The following ADAMTS17 variants were observed in gnomAD, a reference collection of about 807,000 sequenced individuals.
ADAMTS17 encodes A disintegrin and metalloproteinase with thrombospondin motifs 17.
Under a neutral mutation model 141.5 loss-of-function variants are expected in ADAMTS17, and 113 were observed. The ratio of observed to expected loss-of-function variants is 0.80; its 90% confidence interval spans 0.69 to 0.93. ADAMTS17 has a LOEUF of 0.93. Ranked by LOEUF, ADAMTS17 falls within the 40% of genes least tolerant of loss-of-function variation. The pLI is 0.00. For missense variants in ADAMTS17, 1,659 were observed against 1,517.9 expected, an observed-to-expected ratio of 1.09 and a Z score of -1.54; for synonymous variants, 768 against 630.6, an observed-to-expected ratio of 1.22 and a Z score of -3.27.
chr15:100,194,246 G>A (rs2041029535), intron 8 of ADAMTS17, among the ~76,000 whole-genome samples: 1 of 152,052 alleles, frequency 6.6e-6, no homozygotes. Flanking sequence ...CAGGGTCCTG[G>A]GTTTCCCTAG....
chr15:100,246,444 T>C (rs960478436), intron 7 of ADAMTS17, among the ~76,000 whole-genome samples: 2 of 152,194 alleles, frequency 1.3e-5, no homozygotes, highest in Non-Finnish European at 2.9e-5. Context: ...GCAAAGAACA[T>C]GGTCAAAAGC....
chr15:100,085,822 G>C (rs138855463), intron 15 of ADAMTS17, among the ~76,000 whole-genome samples: 3 of 151,870 alleles, frequency 2.0e-5, no homozygotes, highest in African/African-American at 7.3e-5. Context: ...CACCAGGCCT[G>C]CCCTACAAGA....
chr15:100,251,397 A>G (rs1354510367), intron 7 of ADAMTS17, among the ~76,000 whole-genome samples: 1 of 152,238 alleles, frequency 6.6e-6, no homozygotes, highest in Non-Finnish European at 1.5e-5. Flanking sequence ...CTAACTCCCA[A>G]TGTGACTATA....
intron 4 of ADAMTS17, among the ~76,000 whole-genome samples, chr15:100,280,318 CCCA>C (rs1394232671): frequency 6.6e-6 from 1 of 152,080 alleles, no homozygotes; most frequent in African/African-American, 2.4e-5. Flanking sequence ...CTCTCCAACC[CCCA>C]CATCCTGCCA....
intron 16 of ADAMTS17, 90 bp downstream of exon 16, chr15:100,053,807 A>G: frequency 6.3e-7 from 1 of 1,597,240 alleles, no homozygotes; most frequent in Non-Finnish European, 8.6e-7. Context: ...CCTGCCCCCG[A>G]GGTCCCAGGC....
intron 8 of ADAMTS17, among the ~76,000 whole-genome samples, chr15:100,161,833 C>T (rs1028583996): frequency 2.8e-4 from 42 of 152,250 alleles, no homozygotes; most frequent in African/African-American, 9.1e-4. Flanking sequence ...ACCCCCTTTA[C>T]GGAGAACAAA....
chr15:100,224,926 A>T (rs773387476), intron 7 of ADAMTS17, among the ~76,000 whole-genome samples: 1 of 152,228 alleles, frequency 6.6e-6, no homozygotes, highest in African/African-American at 2.4e-5. Context: ...CCACAGACTT[A>T]ACCACCTGCA....
intron 10 of ADAMTS17, among the ~76,000 whole-genome samples, chr15:100,147,391 C>T (rs182068665): frequency 7.9e-5 from 12 of 152,286 alleles, no homozygotes; most frequent in Admixed American, 2.6e-4. Context: ...TCATAGAGTG[C>T]ACAAACCTAG....
intron 2 of ADAMTS17, among the ~76,000 whole-genome samples, chr15:100,338,309 G>C (rs2046266162): frequency 6.6e-6 from 1 of 152,288 alleles, no homozygotes; most frequent in African/African-American, 2.4e-5. Flanking sequence ...TAAACAGACA[G>C]CAAACATCTC....
chr15:100,048,721 C>A, intron 18 of ADAMTS17, 136 bp downstream of exon 18: 2 of 1,371,228 alleles, frequency 1.5e-6, no homozygotes, highest in East Asian at 4.9e-5. Flanking sequence ...TTTGAGCAAG[C>A]GGAAATCTCT....
intron 7 of ADAMTS17, among the ~76,000 whole-genome samples, chr15:100,235,034 C>T (rs2042611156): frequency 1.3e-5 from 2 of 152,066 alleles, no homozygotes; most frequent in Non-Finnish European, 1.5e-5. Flanking sequence ...GGAATAAAAC[C>T]CCAGAATGCC....
At chr15:100,126,651 G>C (rs2037750489) in intron 12 of ADAMTS17, among the ~76,000 whole-genome samples, 1 of 152,222 alleles carries the variant, frequency 6.6e-6, no homozygotes, top group Non-Finnish European at 1.5e-5. Context: ...TTTATGATCA[G>C]CTTTGTGTTT....
intron 18 of ADAMTS17, among the ~76,000 whole-genome samples, chr15:100,048,553 G>A (rs1048902808): frequency 3.4e-5 from 5 of 148,996 alleles, no homozygotes; most frequent in Non-Finnish European, 7.4e-5. Context: ...AAAGTAATTT[G>A]GGGAAGCCAA....
intron 18 of ADAMTS17, among the ~76,000 whole-genome samples, chr15:100,014,951 C>A (rs1027385391): frequency 7.9e-5 from 12 of 152,164 alleles, no homozygotes. Context: ...CTAGTGCTAT[C>A]AGTGGAGTAC....
intron 18 of ADAMTS17, among the ~76,000 whole-genome samples, chr15:100,040,432 C>T (rs1240225951): frequency 1.3e-5 from 2 of 152,200 alleles, no homozygotes; most frequent in Non-Finnish European, 2.9e-5. Flanking sequence ...CTAAATCTCA[C>T]CTTTTCCCTT....
chr15:100,204,269 C>T (rs1347209536), intron 7 of ADAMTS17, among the ~76,000 whole-genome samples: 1 of 152,192 alleles, frequency 6.6e-6, no homozygotes, highest in Non-Finnish European at 1.5e-5. Context: ...CAGCTGGTGG[C>T]CTTGCTGCCC....
chr15:100,214,771 T>A (rs1299740368), intron 7 of ADAMTS17, among the ~76,000 whole-genome samples: 1 of 152,224 alleles, frequency 6.6e-6, no homozygotes, highest in Non-Finnish European at 1.5e-5. Flanking sequence ...GTATCTGTAT[T>A]AGTTCCTTAG....
intron 15 of ADAMTS17, among the ~76,000 whole-genome samples, chr15:100,076,704 TA>T (rs972504533): frequency 1.2e-4 from 19 of 152,286 alleles, no homozygotes; most frequent in African/African-American, 4.6e-4. Flanking sequence ...ATTTTCCTTT[TA>T]AAAAACAATT....
intron 18 of ADAMTS17, among the ~76,000 whole-genome samples, chr15:100,004,874 G>T (rs1180266012): frequency 6.6e-6 from 1 of 152,168 alleles, no homozygotes; most frequent in Non-Finnish European, 1.5e-5. Flanking sequence ...GCCCGCCTTG[G>T]CCTCCCAAAG....
Sources: gnomAD v4.1 joint callset for allele counts (sites outside exome capture counted in the v4.1 genomes callset) on GRCh38, gnomAD v4.1.1 for gene constraint, MANE v1.5 for transcripts, NCBI Gene and HGNC (gene_info 2026-07-23, HGNC 2026-07-21) for gene names.